Variants in BAZ2B observed in about 807,000 individuals in gnomAD.
BAZ2B encodes the protein bromodomain adjacent to zinc finger domain protein 2B.
BAZ2B carries 91 observed loss-of-function variants against 246.0 expected under a neutral mutation model. The observed-to-expected ratio is 0.37, with a 90% CI of 0.31 to 0.44. The LOEUF (loss-of-function observed/expected upper bound fraction) is 0.44, where lower values mean the gene tolerates loss of function less well. Among genes scored for constraint, BAZ2B ranks in the 20% least tolerant of loss-of-function variants. The probability of loss-of-function intolerance (pLI) is 1.00; values close to 1 mark genes in which losing one functional copy is unlikely to be tolerated. For synonymous variants in BAZ2B, 855 were observed against 860.0 expected, an observed-to-expected ratio of 0.99 and a Z score of 0.10; for missense variants, 2,332 against 2,533.7, an observed-to-expected ratio of 0.92 and a Z score of 1.71.
At chr2:159,640,112 G>C in the BAZ2B span, among the ~76,000 whole-genome samples, 1 of 151,944 alleles carries the variant, frequency 6.6e-6, no homozygotes, top group African/African-American at 2.4e-5. Context: ...AGATACAGAA[G>C]TTCATTACAT....
rs777240562 is a variant in BAZ2B at position 159,433,346 on chromosome 2, T to C, written c.1311A>G (p.Ala437=). 2 of 1,612,560 alleles carry C rather than the reference T, an allele frequency of 1.2e-6. No homozygotes were observed. Among genetic ancestry groups the C allele is most frequent in the Admixed American group, 3.3e-5 (2 of 59,764 alleles). The change falls in exon 9 of 37, where the codon GCA becomes GCG. Residue 437 remains alanine, a synonymous_variant. Transcript: ENST00000392783. ...CTTGTTTCTTTAACTGTGATGGGAA[T>C]GCCTGTTTATATTGTTCCTGTTGAA... ...LRSKREQYKQ[A]FPSQLKKQES... is the part of the protein sequence containing the mutation.
At chr2:159,476,057 A>G (rs570308499) in intron 3 of BAZ2B, among the ~76,000 whole-genome samples, 1 of 152,150 alleles carries the variant, frequency 6.6e-6, no homozygotes, top group South Asian at 2.1e-4. Flanking sequence ...CCCTTAGCAA[A>G]GCTCGAGTGC....
chr2:159,550,379 C>A (rs7585513), intron 2 of BAZ2B, among the ~76,000 whole-genome samples: 50,277 of 151,918 alleles, frequency 0.33, 8,774 homozygotes, highest in African/African-American at 0.44. Context: ...CACTCACAGT[C>A]CAATTATGCT....
chr2:159,446,928 T>C lies in BAZ2B; in HGVS notation c.550A>G (p.Ile184Val), dbSNP rs1407533065. 6.2e-7 allele frequency: 1 copy of C among 1,600,408 alleles called. No individual in the cohort carries two copies. Among genetic ancestry groups the C allele is most frequent in the African/African-American group, 1.3e-5 (1 of 74,476 alleles). ...GTAGTGGATAGTACAGATGTGTTGA[T>C]ACCAATTACAGATGATGTATTACTT... ...NGSNTSSVIG[I>V]NTSVLSTTAS... is the part of the protein sequence containing the mutation. The change falls in exon 6 of 37, where the codon ATC becomes GTC. Residue 184 changes from isoleucine (I) to valine (V), a missense_variant. By Grantham distance (29) the Ile-to-Val change is conservative. Transcript: ENST00000392783.
intron 35 of BAZ2B, among the ~76,000 whole-genome samples, chr2:159,325,409 G>A (rs1403713125): frequency 6.6e-6 from 1 of 151,400 alleles, no homozygotes; most frequent in African/African-American, 2.4e-5. Context: ...GGGATTTCAG[G>A]TGTGAGCCGC....
intron 2 of BAZ2B, among the ~76,000 whole-genome samples, chr2:159,503,365 T>G (rs1174641246): frequency 1.3e-5 from 2 of 152,142 alleles, no homozygotes; most frequent in African/African-American, 4.8e-5. Flanking sequence ...TAGTGCATGA[T>G]GTTTGTTCTC....
chr2:159,438,885 T>C, intron 7 of BAZ2B, 124 bp downstream of exon 7: 1 of 1,260,594 alleles, frequency 7.9e-7, no homozygotes. Flanking sequence ...TCTTCTTTCT[T>C]GGGCAAAAGT....
chr2:159,701,906 T>C, the BAZ2B span, among the ~76,000 whole-genome samples: 1 of 151,914 alleles, frequency 6.6e-6, no homozygotes, highest in African/African-American at 2.4e-5. Context: ...TTTTTGTATT[T>C]TTAGTAGAGA....
the BAZ2B span, among the ~76,000 whole-genome samples, chr2:159,692,999 G>C: frequency 6.6e-6 from 1 of 152,052 alleles, no homozygotes; most frequent in Admixed American, 6.6e-5. Context: ...TGTAGACATA[G>C]GGTCTCACTG....
chr2:159,591,021 ATC>A (rs1381274742), intron 1 of BAZ2B, among the ~76,000 whole-genome samples: 3 of 152,190 alleles, frequency 2.0e-5, no homozygotes, highest in Non-Finnish European at 4.4e-5. Flanking sequence ...TAAGATCTAC[ATC>A]TCTGTTTCTA....
intron 13 of BAZ2B, among the ~76,000 whole-genome samples, chr2:159,416,425 T>A (rs1156958843): frequency 6.6e-6 from 1 of 152,228 alleles, no homozygotes; most frequent in African/African-American, 2.4e-5. Context: ...GGTTTTCATT[T>A]TTTTATTATG....
At chr2:159,613,641 GGT>G (rs1370464099) in intron 1 of BAZ2B, among the ~76,000 whole-genome samples, 1 of 152,090 alleles carries the variant, frequency 6.6e-6, no homozygotes, top group Non-Finnish European at 1.5e-5. Context: ...GTTTACAATA[GGT>G]GTGAGACATC....
chr2:159,691,795 T>A, the BAZ2B span, among the ~76,000 whole-genome samples: 1 of 152,182 alleles, frequency 6.6e-6, no homozygotes, highest in African/African-American at 2.4e-5. Flanking sequence ...TGTGATACAG[T>A]GCCATTTACT....
intron 2 of BAZ2B, among the ~76,000 whole-genome samples, chr2:159,496,812 A>T (rs2081220166): frequency 7.2e-6 from 1 of 139,658 alleles, no homozygotes; most frequent in African/African-American, 2.7e-5. Flanking sequence ...AAAAAAAAAA[A>T]TTAATGCTAC....
intron 2 of BAZ2B, among the ~76,000 whole-genome samples, chr2:159,519,920 T>C (rs1305399671): frequency 6.6e-6 from 1 of 151,568 alleles, no homozygotes; most frequent in Non-Finnish European, 1.5e-5. Flanking sequence ...TATGATGATG[T>C]TTAATCCTCC....
chr2:159,415,422 G>C (rs945068208), intron 13 of BAZ2B, among the ~76,000 whole-genome samples: 3 of 123,984 alleles, frequency 2.4e-5, no homozygotes, highest in Non-Finnish European at 5.0e-5. Flanking sequence ...TCCAGCCTGG[G>C]CGACAGAACA....
the BAZ2B span, among the ~76,000 whole-genome samples, chr2:159,682,918 C>CAAA: frequency 6.8e-6 from 1 of 146,372 alleles, no homozygotes; most frequent in Non-Finnish European, 1.5e-5. Context: ...CTCCCCCCCC[C>CAAA]CACACACACC....
intron 3 of BAZ2B, among the ~76,000 whole-genome samples, chr2:159,458,164 C>T (rs552459163): frequency 6.6e-6 from 1 of 150,942 alleles, no homozygotes; most frequent in Admixed American, 6.6e-5. Flanking sequence ...TGTGCCACTA[C>T]GTCCAGCTAA....
At chr2:159,397,874 C>T (rs1240038909) in intron 18 of BAZ2B, among the ~76,000 whole-genome samples, 1 of 151,778 alleles carries the variant, frequency 6.6e-6, no homozygotes, top group Non-Finnish European at 1.5e-5. Flanking sequence ...CATTTCTATA[C>T]ACTACGTATG....
Sources: allele counts gnomAD v4.1 joint callset (sites outside exome capture counted in the v4.1 genomes callset), GRCh38; gene constraint gnomAD v4.1.1; transcripts MANE v1.5; gene names NCBI Gene and HGNC (gene_info 2026-07-23, HGNC 2026-07-21).